The following COL18A1 variants were observed in gnomAD, a reference collection of about 807,000 sequenced individuals.
COL18A1 encodes the protein collagen type XVIII alpha 1 chain.
Under a neutral mutation model 168.0 loss-of-function variants are expected in COL18A1, and 133 were observed. The ratio of observed to expected loss-of-function variants is 0.79; its 90% CI spans 0.69 to 0.91. The LOEUF is 0.91. COL18A1 is among the 40% of genes least tolerant of loss of function. COL18A1 has a pLI of 0.00. For synonymous variants in COL18A1, 949 were observed against 809.0 expected, an observed-to-expected ratio of 1.17 and a Z score of -2.94; for missense variants, 2,126 against 1,925.4, an observed-to-expected ratio of 1.10 and a Z score of -1.95.
rs771365693 is a variant in COL18A1 at position 45,492,670 on chromosome 21, C to T, written c.2188-17C>T. ...GGTGCGTGATGACCCCAGCTGACGCCGTCCCTCTTTCCCCAGGGCCGGCCG... is the reference window on the plus strand; with the variant it reads ...GGTGCGTGATGACCCCAGCTGACGCTGTCCCTCTTTCCCCAGGGCCGGCCG... On this transcript the variant is annotated splice_polypyrimidine_tract_variant and intron_variant, in intron 23 of 41. Coordinates refer to ENST00000651438, the MANE Select transcript of COL18A1 (RefSeq NM_001379500.1). 14 of 1,611,398 alleles carry T rather than the reference C, an allele frequency of 8.7e-6. No homozygotes were observed. Among genetic ancestry groups the T allele is most frequent in the Middle Eastern group, 1.7e-4 (1 of 6,046 alleles).
chr21:45,416,898 C>G (rs1303996061), intron 2 of COL18A1, among the ~76,000 whole-genome samples: 1 of 151,806 alleles, frequency 6.6e-6, no homozygotes, highest in African/African-American at 2.4e-5. Flanking sequence ...GTCTGAATTG[C>G]AAGCTGGTCT....
chr21:45,484,720 T>C lies in COL18A1; in HGVS notation c.1701+1899T>C, dbSNP rs558953627. Among the ~76,000 whole-genome samples, 16 of 152,168 alleles carry C rather than the reference T, an allele frequency of 1.1e-4. No homozygotes were observed. In the South Asian group the frequency reaches 2.7e-3, roughly 26 times the overall value. On this transcript the variant is annotated intron_variant, in intron 15 of 41. Coordinates refer to ENST00000651438, the MANE Select transcript of COL18A1 (RefSeq NM_001379500.1). ...TTTTTCTAGCACACATGCACACACA[T>C]CTCTCTAGCATATGTACACACACAT...
intron 27 of COL18A1, 67 bp downstream of exon 27, chr21:45,494,638 C>T (rs571330295): frequency 6.5e-5 from 105 of 1,605,164 alleles, no homozygotes; most frequent in Admixed American, 5.3e-4. Context: ...CACGGTCGCC[C>T]GCGGCTGCTG....
intron 40 of COL18A1, among the ~76,000 whole-genome samples, 165 bp from the exon 41 acceptor site, chr21:45,510,946 C>CCCACACACACCCAT (rs149520091): frequency 1.7e-5 from 1 of 57,382 alleles, no homozygotes; most frequent in Non-Finnish European, 3.1e-5. Flanking sequence ...AAAACACACA[C>CCCACACACACCCAT]CCACAACACC....
rs571491004 is a variant in COL18A1, at chr21:45,498,309, G to A, written c.2683+648G>A. ...TTCACCACCAGGGTCCCCTCTCGCC[G>A]CCACGGTCCCCTCTCGCCGCCAGGG... On this transcript the variant is annotated intron_variant, in intron 32 of 41. Transcript: ENST00000651438. This position sits in a 1 kb window ranked among gnomAD's most constrained non-coding sequence, Gnocchi z 4.5. 78 of 698,420 alleles carry A rather than the reference G, an allele frequency of 1.1e-4. No individual in the cohort carries two copies. The highest frequency in any genetic ancestry group is 6.1e-4 in the South Asian group (40 of 65,970). The allele number at this position is 698,420 out of a possible 1,614,324, so 43.3% of individuals were successfully genotyped here. A position where few individuals can be genotyped will look rare whatever the true frequency, so the allele number is the denominator to read the frequency against.
Position 45,498,426 on chromosome 21 carries a change from A to AGGGTCCCCTCTCGCCGCCG in COL18A1, c.2683+765_2683+766insGGGTCCCCTCTCGCCGCCG, listed in dbSNP as rs2036621402. 1.5e-6 allele frequency: 1 copy of AGGGTCCCCTCTCGCCGCCG among 679,688 alleles called. No homozygotes were observed. Among genetic ancestry groups the AGGGTCCCCTCTCGCCGCCG allele is most frequent in the Non-Finnish European group, 2.8e-6 (1 of 363,470 alleles). 42.1% of individuals were successfully genotyped at this position (679,688 alleles called of 1,614,324 possible). A position where few individuals can be genotyped will look rare whatever the true frequency, so the allele number is the denominator to read the frequency against. ...GCCGCCAGGGTCCCCTCTCGCCGCC[A>AGGGTCCCCTCTCGCCGCCG]CGGTCCCCTCTCGCCGCCAGGGTCC... On this transcript the variant is annotated intron_variant, in intron 32 of 41. Transcript: ENST00000651438. The surrounding 1 kb of genome is among the most constrained non-coding windows in gnomAD (Gnocchi z 4.5).
chr21:45,414,418 C>T (rs1251219669), intron 2 of COL18A1, among the ~76,000 whole-genome samples: 1 of 152,350 alleles, frequency 6.6e-6, no homozygotes, highest in Middle Eastern at 3.4e-3. Context: ...GGTTGTTAGT[C>T]ACACGTTTCT....
chr21:45,439,843 C>A (rs539486115), intron 2 of COL18A1, among the ~76,000 whole-genome samples: 1 of 152,254 alleles, frequency 6.6e-6, no homozygotes, highest in Non-Finnish European at 1.5e-5. Context: ...TCAGTGCGAG[C>A]CTGTGAAGTC....
intron 2 of COL18A1, among the ~76,000 whole-genome samples, chr21:45,452,819 T>C (rs1300804287): frequency 6.6e-6 from 1 of 151,602 alleles, no homozygotes; most frequent in Non-Finnish European, 1.5e-5. Context: ...TGTATGCATG[T>C]GAGCATGTAT....
At chr21:45,490,187 G>C in intron 19 of COL18A1, 88 bp from the exon 20 acceptor site, 3 of 1,117,976 alleles carry the variant, frequency 2.7e-6, no homozygotes, top group South Asian at 1.3e-5. Context: ...CCATCGCCAC[G>C]TCCACGGGTG....
Position 45,455,992 on chromosome 21 carries a change from C to T in COL18A1, c.107-12250C>T, listed in dbSNP as rs2145852390. 3.1e-6 allele frequency: 5 copies of T among 1,612,962 alleles called. No individual in the cohort carries two copies. Among genetic ancestry groups the T allele is most frequent in the South Asian group, 1.1e-5 (1 of 91,088 alleles). ...AGACTCCTGTGGGCCCCCTTGCCCTCGCTGGGCCTTCCAGCACCCCCCAGG... is the reference window on the plus strand; with the variant it reads ...AGACTCCTGTGGGCCCCCTTGCCCTTGCTGGGCCTTCCAGCACCCCCCAGG... On this transcript the variant is annotated intron_variant, in intron 2 of 41. Coordinates refer to ENST00000651438, the MANE Select transcript of COL18A1 (RefSeq NM_001379500.1).
intron 32 of COL18A1, among the ~76,000 whole-genome samples, chr21:45,500,903 GGGGTGTGT>G (rs1203390018): frequency 3.9e-5 from 1 of 25,712 alleles, no homozygotes. Context: ...GTGTAGTGTG[GGGGTGTGT>G]TTTGGTGTGT....
Position 45,405,480 on chromosome 21 carries a change from C to T in COL18A1, c.106+7C>T. 1 of 1,360,048 alleles carries T rather than the reference C, an allele frequency of 7.4e-7. No individual in the cohort carries two copies. The highest frequency in any genetic ancestry group is 9.5e-7 in the Non-Finnish European group (1 of 1,047,492). 84.2% of individuals were successfully genotyped at this position (1,360,048 alleles called of 1,614,324 possible). On this transcript the variant is annotated splice_region_variant and intron_variant, in intron 2 of 41. Coordinates refer to ENST00000651438, the MANE Select transcript of COL18A1 (RefSeq NM_001379500.1). ...GCGGCCTCCGCGGAGCCAGGTAAGA[C>T]CCGGGCGGGACGGGAAGGTTCGCGC...
rs2037485320 is a variant in COL18A1 at position 45,510,055 on chromosome 21, T to C, written c.3496-9T>C. 19 of 1,551,202 alleles carry C rather than the reference T, an allele frequency of 1.2e-5. No individual in the cohort carries two copies. Among genetic ancestry groups the C allele is most frequent in the Non-Finnish European group, 1.3e-5 (15 of 1,153,864 alleles). ...GGACACAGCCCGTGACGCGCCCCTC[T>C]CCCCGCAGCTCCACCTGGTTGCGCT... On this transcript the variant is annotated splice_polypyrimidine_tract_variant and intron_variant, in intron 39 of 41. Coordinates refer to ENST00000651438, the MANE Select transcript of COL18A1 (RefSeq NM_001379500.1).
intron 21 of COL18A1, 51 bp downstream of exon 21, chr21:45,490,922 CAGA>C (rs2036317680): frequency 1.3e-6 from 2 of 1,528,220 alleles, no homozygotes. Flanking sequence ...TGGGACATCC[CAGA>C]AGGTTTGGCC....
intron 2 of COL18A1, among the ~76,000 whole-genome samples, chr21:45,459,844 C>T (rs933729747): frequency 6.6e-6 from 1 of 152,064 alleles, no homozygotes; most frequent in African/African-American, 2.4e-5. Context: ...CTCAGTGGGA[C>T]TCTGTGAGTG....
At position 45,477,829 on chromosome 21, in the gene COL18A1, T is replaced by C; in HGVS notation, c.1085T>C (p.Leu362Pro). 6.4e-7 allele frequency: 1 copy of C among 1,552,784 alleles called. No individual in the cohort carries two copies. The highest frequency in any genetic ancestry group is 2.4e-5 in the East Asian group (1 of 41,170). The change falls in exon 8 of 42, where the codon CTA becomes CCA. Residue 362 changes from leucine to proline, a missense_variant. Coordinates refer to ENST00000651438, the MANE Select transcript of COL18A1 (RefSeq NM_001379500.1). The stretch of plus-strand genomic sequence containing the variant: ...GCAGGCCCCCCAGGATCCCCATGCC[T>C]ACCTGGTCCCCCGGGTCTCCCGTGC... ...GRAGPPGSPC[L>P]PGPPGLPCPV... is the part of the protein sequence containing the mutation.
intron 2 of COL18A1, among the ~76,000 whole-genome samples, chr21:45,406,060 C>G (rs143111337): frequency 0.012 from 1,790 of 152,146 alleles, 15 homozygotes; most frequent in Middle Eastern, 0.021. Flanking sequence ...CCAGAAGCCG[C>G]TGCCCCGCCG....
chr21:45,448,338 G>A (rs2034546646), intron 2 of COL18A1, among the ~76,000 whole-genome samples: 1 of 152,142 alleles, frequency 6.6e-6, no homozygotes, highest in Non-Finnish European at 1.5e-5. Context: ...GTGCACACAA[G>A]AATATCTACA....
Sources: allele counts gnomAD v4.1 joint callset (sites outside exome capture counted in the v4.1 genomes callset), GRCh38; gene constraint gnomAD v4.1.1; non-coding constraint Gnocchi (gnomAD v3.1); transcripts MANE v1.5; gene names NCBI Gene and HGNC (gene_info 2026-07-23, HGNC 2026-07-21).